Variants in SMARCAD1 observed in about 807,000 individuals in gnomAD.
SMARCAD1 encodes SWI/SNF-related matrix-associated actin-dependent regulator of chromatin subfamily A containing DEAD/H box 1.
SMARCAD1 carries 25 observed loss-of-function variants against 127.1 expected under a neutral mutation model. The observed-to-expected ratio is 0.20, with a 90% CI of 0.14 to 0.27. The LOEUF (loss-of-function observed/expected upper bound fraction) is 0.27. Among genes scored for constraint, SMARCAD1 ranks in the 10% least tolerant of loss-of-function variants. The probability of loss-of-function intolerance (pLI) is 1.00; values close to 1 mark genes in which losing one functional copy is unlikely to be tolerated. For missense variants in SMARCAD1, 807 were observed against 1,206.0 expected (o/e 0.67, Z 4.90); for synonymous variants, 400 against 396.9 (o/e 1.01, Z -0.09).
chr4:94,210,948 AAAG>A (rs1742138485), intron 2 of SMARCAD1, among the ~76,000 whole-genome samples: 1 of 150,416 alleles, frequency 6.6e-6, no homozygotes. Context: ...AAAAAAAAAA[AAAG>A]GTAAATGTCT....
rs1744953846 is a variant in SMARCAD1 at position 94,226,188 on chromosome 4, G to C, written c.260G>C (p.Arg87Thr). 1 of 1,611,746 alleles carries C rather than the reference G, an allele frequency of 6.2e-7. No individual in the cohort carries two copies. ...AGTATATCATATTTCAAAAATCAAA[G>C]AGGAATACAGTATATTGATTTGTCT... is the stretch of plus-strand genomic sequence containing the variant. ...KASISYFKNQ[R>T]GIQYIDLSSD... Residue 87 changes from arginine to threonine, a missense_variant, in exon 3 of 24, where the codon AGA becomes ACA. Arg to Thr is a moderately conservative substitution (Grantham distance 71). Coordinates refer to ENST00000354268, the MANE Select transcript of SMARCAD1 (RefSeq NM_020159.5).
rs114531000 is a variant in SMARCAD1 at position 94,240,346 on chromosome 4, T to C, written c.605-560T>C. On this transcript the variant is annotated intron_variant, in intron 5 of 23. Coordinates refer to ENST00000354268, the MANE Select transcript of SMARCAD1 (RefSeq NM_020159.5). The stretch of plus-strand genomic sequence containing the variant: ...CCTGTTACTGCTGTACTCTATGTTA[T>C]ATTCTCTTGTTTTTACATTAAAAGC... Among the ~76,000 whole-genome samples the C allele has an allele frequency of 2.9e-3, 445 of 152,366 alleles. 2 individuals are homozygous for C. The highest frequency in any genetic ancestry group is 0.01 in the African/African-American group (423 of 41,596).
At chr4:94,257,686 C>CA (rs755441898) in intron 9 of SMARCAD1, among the ~76,000 whole-genome samples, 34 of 151,450 alleles carry the variant, frequency 2.2e-4, no homozygotes, top group African/African-American at 3.6e-4. Context: ...TCCGCCCCCA[C>CA]AAAAAAAAAT....
At chr4:94,233,657 G>A (rs1337808563) in intron 3 of SMARCAD1, among the ~76,000 whole-genome samples, 2 of 152,174 alleles carry the variant, frequency 1.3e-5, no homozygotes, top group Admixed American at 6.5e-5. Context: ...GAGGAAGTGG[G>A]CATGCAATAA....
chr4:94,238,641 A>G lies in SMARCAD1; in HGVS notation c.604+1623A>G, dbSNP rs1284444667. Among the ~76,000 whole-genome samples, 13 of 150,806 alleles carry G rather than the reference A, an allele frequency of 8.6e-5. 1 individual carries two copies. The East Asian group carries it at 2.5e-3, about 29-fold the overall frequency. On this transcript the variant is annotated intron_variant, in intron 5 of 23. Transcript: ENST00000354268. ...AGAAAGAAAGAAAGAAAGAAAGAAA[A>G]AACCTCCTGAAAAATGATACGCTCA... is the stretch of plus-strand genomic sequence containing the variant.
intron 2 of SMARCAD1, among the ~76,000 whole-genome samples, chr4:94,216,055 C>G (rs879938818): frequency 1.3e-5 from 2 of 152,106 alleles, no homozygotes; most frequent in African/African-American, 2.4e-5. Flanking sequence ...AGTCCAAAAT[C>G]AAGGTGCTGC....
At chr4:94,235,606 C>T (rs1018823378) in intron 4 of SMARCAD1, among the ~76,000 whole-genome samples, 4 of 147,492 alleles carry the variant, frequency 2.7e-5, no homozygotes, top group African/African-American at 1.0e-4. Flanking sequence ...TCTACATTTT[C>T]TCTGACAGCA....
chr4:94,222,937 C>T (rs1744377558), intron 2 of SMARCAD1, among the ~76,000 whole-genome samples: 1 of 151,814 alleles, frequency 6.6e-6, no homozygotes, highest in Admixed American at 6.6e-5. Flanking sequence ...GCACTCCAGC[C>T]TGGGCGACAG....
intron 10 of SMARCAD1, among the ~76,000 whole-genome samples, chr4:94,265,827 A>C (rs1392197896): frequency 6.6e-6 from 1 of 152,108 alleles, no homozygotes; most frequent in Non-Finnish European, 1.5e-5. Context: ...CACAACTTTC[A>C]AAATGAGTTA....
At chr4:94,212,632 G>A (rs1038750947) in intron 2 of SMARCAD1, among the ~76,000 whole-genome samples, 3 of 151,902 alleles carry the variant, frequency 2.0e-5, no homozygotes, top group Non-Finnish European at 4.4e-5. Context: ...GACTACAGGT[G>A]CACACCACCA....
chr4:94,209,117 T>G (rs868694881), intron 2 of SMARCAD1, among the ~76,000 whole-genome samples: 7 of 152,220 alleles, frequency 4.6e-5, no homozygotes, highest in Admixed American at 1.3e-4. Context: ...AATGAACATT[T>G]TTAACCTCAT....
chr4:94,260,410 C>A (rs1750790992), intron 9 of SMARCAD1, among the ~76,000 whole-genome samples: 1 of 152,082 alleles, frequency 6.6e-6, no homozygotes, highest in African/African-American at 2.4e-5. Flanking sequence ...GTTTCGTGAT[C>A]TTGGCTCACT....
chr4:94,280,456 C>T, intron 19 of SMARCAD1, 136 bp from the exon 20 acceptor site: 1 of 735,776 alleles, frequency 1.4e-6, no homozygotes, highest in East Asian at 2.7e-5. Flanking sequence ...TACTAATTTT[C>T]CTTGATAAGT....
intron 4 of SMARCAD1, among the ~76,000 whole-genome samples, chr4:94,234,631 T>C (rs988728021): frequency 3.3e-5 from 5 of 152,224 alleles, no homozygotes; most frequent in African/African-American, 1.2e-4. Flanking sequence ...GATGTTTAGG[T>C]ATCTCTAATT....
intron 22 of SMARCAD1, among the ~76,000 whole-genome samples, chr4:94,283,791 A>G (rs999497152): frequency 6.6e-6 from 1 of 152,002 alleles, no homozygotes; most frequent in African/African-American, 2.4e-5. Context: ...CCACCACTGC[A>G]CTCCAGCCTG....
intron 3 of SMARCAD1, 128 bp downstream of exon 3, chr4:94,226,424 G>A (rs187924105): frequency 1.2e-5 from 7 of 573,436 alleles, no homozygotes; most frequent in East Asian, 3.0e-5. Flanking sequence ...TGCCCCACCT[G>A]CCTTTCTTGG....
chr4:94,212,903 G>A (rs2125789408), intron 2 of SMARCAD1: 1 of 420,696 alleles, frequency 2.4e-6, no homozygotes, highest in South Asian at 1.8e-5. Flanking sequence ...ATCCCAGCCA[G>A]CCTTTGGATT....
At chr4:94,271,349 C>T (rs1752513809) in intron 11 of SMARCAD1, among the ~76,000 whole-genome samples, 1 of 152,120 alleles carries the variant, frequency 6.6e-6, no homozygotes, top group Non-Finnish European at 1.5e-5. Context: ...AATCACATTG[C>T]CTTAAAGCTG....
At chr4:94,271,232 C>T (rs1752500473) in intron 11 of SMARCAD1, among the ~76,000 whole-genome samples, 1 of 152,128 alleles carries the variant, frequency 6.6e-6, no homozygotes, top group African/African-American at 2.4e-5. Context: ...AAAATTGTAA[C>T]TTAGATCCCT....
Sources: gnomAD v4.1 joint callset for allele counts (sites outside exome capture counted in the v4.1 genomes callset) on GRCh38, gnomAD v4.1.1 for gene constraint, MANE v1.5 for transcripts, NCBI Gene and HGNC (gene_info 2026-07-23, HGNC 2026-07-21) for gene names.